Variants in ZNF516 observed in about 807,000 individuals in gnomAD.
The protein encoded by ZNF516 is zinc finger protein 516.
A neutral mutation model predicts 79.7 loss-of-function variants in ZNF516; 19 were observed. That is an observed-to-expected ratio of 0.24 (90% CI 0.17 to 0.35). ZNF516 has a LOEUF of 0.35. ZNF516 is among the 10% of genes least tolerant of loss of function. The pLI, the probability that ZNF516 is intolerant of heterozygous loss-of-function variation, is 1.00. For synonymous variants in ZNF516, 877 were observed against 739.5 expected (o/e 1.19, Z -3.02); for missense variants, 1,678 against 1,679.5 (o/e 1.00, Z 0.02).
chr18:76,432,615 T>G (rs1194859298), intron 3 of ZNF516, among the ~76,000 whole-genome samples: 1 of 152,152 alleles, frequency 6.6e-6, no homozygotes, highest in East Asian at 1.9e-4. Context: ...ACAGCCCCAC[T>G]CTCTGGGCCC....
At chr18:76,478,460 A>G (rs1404579277) in intron 1 of ZNF516, among the ~76,000 whole-genome samples, 1 of 152,232 alleles carries the variant, frequency 6.6e-6, no homozygotes, top group Non-Finnish European at 1.5e-5. Flanking sequence ...GGTTTAATAT[A>G]CAATACAAAT....
intron 3 of ZNF516, among the ~76,000 whole-genome samples, chr18:76,410,269 C>T (rs1166474851): frequency 1.3e-5 from 2 of 152,182 alleles, no homozygotes; most frequent in Non-Finnish European, 2.9e-5. Flanking sequence ...CCCTGGTTGT[C>T]ACAAAATAGT....
intron 1 of ZNF516, among the ~76,000 whole-genome samples, chr18:76,488,837 G>A (rs1914991687): frequency 6.6e-6 from 1 of 152,146 alleles, no homozygotes; most frequent in Admixed American, 6.5e-5. Flanking sequence ...TGTGTTTCCT[G>A]CACATTTAAT....
At chr18:76,469,155 G>C (rs1050939713) in intron 1 of ZNF516, among the ~76,000 whole-genome samples, 1 of 152,176 alleles carries the variant, frequency 6.6e-6, no homozygotes, top group Non-Finnish European at 1.5e-5. Flanking sequence ...TCAAATCAGG[G>C]TGTGCGAATG....
rs1468416744 is a variant in ZNF516, at chr18:76,442,650, G to A, written c.405C>T (p.Asp135=). Residue 135 remains aspartate, a synonymous_variant, in exon 3 of 7, where the codon GAC becomes GAT. Transcript: ENST00000443185. The part of the protein sequence containing the change: ...NRLLNGASQA[D]GARVLNGASQ... ...AGGCCCCGTTCAGGACCCTGGCGCC[G>A]TCGGCCTGCGAGGCCCCGTTCAGCA... 3 of 1,586,340 alleles carry A rather than the reference G, an allele frequency of 1.9e-6. No individual in the cohort carries two copies. Among genetic ancestry groups the A allele is most frequent in the African/African-American group, 1.3e-5 (1 of 74,386 alleles).
rs985470825 is a variant in ZNF516, at chr18:76,357,776, G to A, written c.*4722C>T. 6.6e-6 allele frequency among the ~76,000 whole-genome samples: 1 copy of A among 152,164 alleles called. No homozygotes were observed. Among genetic ancestry groups the A allele is most frequent in the African/African-American group, 2.4e-5 (1 of 41,428 alleles). ...ATTGCAAACCACAGTGCCAGCCCTT[G>A]TGTCCCCACATTTTTGACACAATAA... On this transcript the variant is annotated 3_prime_UTR_variant, in exon 7 of 7. Transcript: ENST00000443185.
At chr18:76,433,915 G>A (rs2075695924) in intron 3 of ZNF516, among the ~76,000 whole-genome samples, 1 of 152,154 alleles carries the variant, frequency 6.6e-6, no homozygotes, top group South Asian at 2.1e-4. Context: ...CCACAGGGGT[G>A]CACACCGCTC....
intron 1 of ZNF516, among the ~76,000 whole-genome samples, chr18:76,469,482 G>C (rs1440211006): frequency 6.6e-6 from 1 of 152,082 alleles, no homozygotes; most frequent in Non-Finnish European, 1.5e-5. Context: ...CCTAATAATA[G>C]TTTCCACTAC....
At chr18:76,391,271 C>A (rs1285548881) in intron 3 of ZNF516, among the ~76,000 whole-genome samples, 2 of 152,116 alleles carry the variant, frequency 1.3e-5, no homozygotes, top group Non-Finnish European at 2.9e-5. Context: ...CAAACCACAA[C>A]CCTAATCCCA....
chr18:76,482,485 C>G (rs1433215400), intron 1 of ZNF516, among the ~76,000 whole-genome samples: 2 of 152,196 alleles, frequency 1.3e-5, no homozygotes, highest in Non-Finnish European at 2.9e-5. Context: ...GGGTGGACGT[C>G]GGTACTTCAT....
chr18:76,450,746 T>C (rs1912357780), intron 2 of ZNF516, among the ~76,000 whole-genome samples: 1 of 152,216 alleles, frequency 6.6e-6, no homozygotes, highest in Non-Finnish European at 1.5e-5. Flanking sequence ...TCAACAATAA[T>C]GTTCTGACCA....
intron 6 of ZNF516, among the ~76,000 whole-genome samples, chr18:76,363,201 G>T (rs1018990148): frequency 1.3e-5 from 2 of 152,198 alleles, no homozygotes; most frequent in African/African-American, 4.8e-5. Flanking sequence ...ATCCCTGTTT[G>T]AACAATAGCA....
chr18:76,465,980 A>G (rs764714084), intron 1 of ZNF516, among the ~76,000 whole-genome samples: 11 of 152,164 alleles, frequency 7.2e-5, no homozygotes, highest in Non-Finnish European at 1.2e-4. Flanking sequence ...CTTCTGTTCA[A>G]CACACTTCCC....
rs774175217 is a variant in ZNF516 at position 76,379,657 on chromosome 18, C to T, written c.2457G>A (p.Pro819=). Residue 819 remains proline, a synonymous_variant, in exon 4 of 7, where the codon CCG becomes CCA. Transcript: ENST00000443185. ...GGCATTCTTTGCCACCGAGGGCAGG[C>T]GGGGGGCCCGTGCGTCCGCTCCGGG... ...FLSRSGRTGP[P]PALGGKECQP... The T allele has an allele frequency of 4.2e-5, 67 of 1,613,442 alleles. No homozygotes were observed. In the Middle Eastern group the frequency reaches 8.2e-4, roughly 20 times the overall value.
chr18:76,378,745 G>A, intron 4 of ZNF516, 110 bp downstream of exon 4: 1 of 1,441,928 alleles, frequency 6.9e-7, no homozygotes, highest in Non-Finnish European at 9.2e-7. Flanking sequence ...GGGGCCGGCT[G>A]GCTCTGTCCT....
chr18:76,403,936 A>G (rs1451168950), intron 3 of ZNF516, among the ~76,000 whole-genome samples: 1 of 152,226 alleles, frequency 6.6e-6, no homozygotes, highest in Admixed American at 6.5e-5. Context: ...GCACAGGTCC[A>G]AGGACTAAGC....
chr18:76,386,713 T>C (rs1400389477), intron 3 of ZNF516: 1 of 152,182 alleles, frequency 6.6e-6, no homozygotes, highest in Non-Finnish European at 1.5e-5. Context: ...TTTATCTCGT[T>C]CTACATTTTT....
intron 1 of ZNF516, among the ~76,000 whole-genome samples, chr18:76,486,777 C>A (rs1320617088): frequency 2.0e-5 from 3 of 151,934 alleles, no homozygotes; most frequent in Non-Finnish European, 2.9e-5. Flanking sequence ...AGTTGAGGAA[C>A]TGTCTGGATT....
rs780545317 is a variant in ZNF516, at chr18:76,443,099, G to C, written c.-45C>G. The C allele has an allele frequency of 6.5e-7, 1 of 1,532,360 alleles. No homozygotes were observed. The highest frequency in any genetic ancestry group is 8.7e-7 in the Non-Finnish European group (1 of 1,147,046). 94.9% of individuals were successfully genotyped at this position (1,532,360 alleles called of 1,614,324 possible). A position where few individuals can be genotyped will look rare whatever the true frequency, so the allele number is the denominator to read the frequency against. On this transcript the variant is annotated 5_prime_UTR_variant, in exon 3 of 7. Coordinates refer to ENST00000443185, the MANE Select transcript of ZNF516 (RefSeq NM_014643.4). The stretch of plus-strand genomic sequence containing the variant: ...GGTGGTGGCGGCACAGCTTTCTGTC[G>C]CGCGGGCTGCAGGGACCGTCCTATC...
Sources: gnomAD v4.1 joint callset for allele counts (sites outside exome capture counted in the v4.1 genomes callset) on GRCh38, gnomAD v4.1.1 for gene constraint, MANE v1.5 for transcripts, NCBI Gene and HGNC (gene_info 2026-07-23, HGNC 2026-07-21) for gene names.